The following DNAH5 variants were observed in gnomAD, a reference collection of about 807,000 sequenced individuals.
DNAH5 encodes dynein axonemal heavy chain 5.
A neutral mutation model predicts 518.2 loss-of-function variants in DNAH5; 372 were observed. The observed-to-expected ratio is 0.72, with a 90% CI of 0.66 to 0.78. The LOEUF is 0.78. Ranked by LOEUF, DNAH5 falls within the 30% of genes least tolerant of loss-of-function variation. The pLI is 0.00. For missense variants in DNAH5, 5,523 were observed against 5,687.0 expected (o/e 0.97, Z 0.93); for synonymous variants, 2,039 against 2,025.9 (o/e 1.01, Z -0.17).
At chr5:13,896,025 C>T (rs550734580) in intron 15 of DNAH5, among the ~76,000 whole-genome samples, 8 of 151,690 alleles carry the variant, frequency 5.3e-5, no homozygotes, top group East Asian at 2.0e-4. Flanking sequence ...AGGGAGACAA[C>T]AGTAGATCAT....
chr5:13,900,367 C>A lies in DNAH5; in HGVS notation c.2098G>T (p.Ala700Ser). Reference protein sequence around the residue: ...VGLEASLLVKAPGTGELFVNF... With the variant: ...VGLEASLLVKSPGTGELFVNF... ...ACAAACAATTCCCCTGTGCCTGGAG[C>A]CTTCACCAATAATGAAGCCTCAAGA... Residue 700 changes from alanine (A) to serine (S), a missense_variant, in exon 15 of 79, where the codon GCT becomes TCT. Physicochemically the swap from Ala to Ser is moderately conservative, Grantham distance 99. Transcript: ENST00000265104. The A allele has an allele frequency of 6.2e-7, 1 of 1,614,124 alleles. No individual in the cohort carries two copies. Among genetic ancestry groups the A allele is most frequent in the Non-Finnish European group, 8.5e-7 (1 of 1,180,002 alleles).
chr5:13,721,859 T>C (rs1745098505), intron 70 of DNAH5, among the ~76,000 whole-genome samples: 1 of 152,136 alleles, frequency 6.6e-6, no homozygotes, highest in African/African-American at 2.4e-5. Flanking sequence ...ATTACAACCA[T>C]AGAAAAAAAT....
chr5:13,992,695 G>A (rs1378623780), intron 1 of DNAH5, among the ~76,000 whole-genome samples: 1 of 152,158 alleles, frequency 6.6e-6, no homozygotes, highest in Non-Finnish European at 1.5e-5. Context: ...CGAGTGATCG[G>A]TATTCCACTC....
At chr5:13,700,159 C>T (rs1741900570) in intron 78 of DNAH5, among the ~76,000 whole-genome samples, 1 of 152,176 alleles carries the variant, frequency 6.6e-6, no homozygotes, top group South Asian at 2.1e-4. Flanking sequence ...TTCAAACCTC[C>T]AAGCTGGTAG....
chr5:13,856,031 A>G (rs889284375), intron 30 of DNAH5, among the ~76,000 whole-genome samples: 5 of 152,244 alleles, frequency 3.3e-5, no homozygotes, highest in Non-Finnish European at 7.3e-5. Flanking sequence ...CTAACTGCCC[A>G]CAGGAGAAAG....
Position 13,913,771 on chromosome 5 carries a change from C to T in DNAH5, c.1508G>A (p.Gly503Glu), listed in dbSNP as rs758569547. 6.2e-7 allele frequency: 1 copy of T among 1,613,432 alleles called. No individual in the cohort carries two copies. Among genetic ancestry groups the T allele is most frequent in the Non-Finnish European group, 8.5e-7 (1 of 1,179,476 alleles). ...YSVLQDSTIEGLEDMATKYQG... is the reference protein window; with the variant it reads ...YSVLQDSTIEELEDMATKYQG... ...GTATTTAGTGGCCATGTCTTCCAGC[C>T]CTTCAATTGTGGAATCTTGCAGGAC... is the stretch of plus-strand genomic sequence containing the variant. Residue 503 changes from glycine (G) to glutamate (E), a missense_variant, in exon 11 of 79, where the codon GGG (glycine) becomes GAG (glutamate). This residue lies in a region of DNAH5 where 5,121 missense variants were observed against 5,223.3 expected (regional missense o/e 0.98). Coordinates refer to ENST00000265104, the MANE Select transcript of DNAH5 (RefSeq NM_001369.3).
chr5:13,872,150 C>T (rs185003690), intron 22 of DNAH5, among the ~76,000 whole-genome samples: 1 of 152,152 alleles, frequency 6.6e-6, no homozygotes, highest in African/African-American at 2.4e-5. Context: ...CTCTTTCCCC[C>T]CTCCCCTCAG....
intron 55 of DNAH5, among the ~76,000 whole-genome samples, chr5:13,774,024 G>A (rs1010985577): frequency 6.6e-6 from 1 of 152,136 alleles, no homozygotes; most frequent in African/African-American, 2.4e-5. Context: ...TTCCCAGCAC[G>A]AAGGCCTGCT....
intron 41 of DNAH5, among the ~76,000 whole-genome samples, chr5:13,819,061 T>A (rs534408530): frequency 7.6e-4 from 116 of 152,366 alleles, no homozygotes; most frequent in African/African-American, 2.7e-3. Flanking sequence ...CCATACATAA[T>A]GTATCTATAT....
At chr5:13,920,097 C>CA (rs2151991859) in intron 6 of DNAH5, among the ~76,000 whole-genome samples, 1 of 152,340 alleles carries the variant, frequency 6.6e-6, no homozygotes, top group Admixed American at 6.5e-5. Context: ...TGTCCACCTT[C>CA]ATGCCTTCAT....
intron 50 of DNAH5, among the ~76,000 whole-genome samples, chr5:13,791,040 C>G (rs1041396845): frequency 6.6e-6 from 1 of 151,930 alleles, no homozygotes. Flanking sequence ...ACCTATGGAA[C>G]AAACCTTCAC....
In DNAH5 at chr5:13,892,816, G is replaced by T. The variant is rs115246425; in HGVS notation, c.2432-1695C>A. On this transcript the variant is annotated intron_variant, in intron 16 of 78. Transcript: ENST00000265104. ...GTTTCCTCTTGTTTTATTTCCTGGG[G>T]AGGCGTATTTTGGAAGAAATATTAA... is the stretch of plus-strand genomic sequence containing the variant. Among the ~76,000 whole-genome samples, 204 of 152,240 alleles carry T rather than the reference G, an allele frequency of 1.3e-3. 2 individuals carry two copies. The highest frequency in any genetic ancestry group is 4.7e-3 in the African/African-American group (195 of 41,540).
intron 1 of DNAH5, among the ~76,000 whole-genome samples, chr5:14,001,695 G>C (rs1283039620): frequency 6.7e-6 from 1 of 148,510 alleles, no homozygotes; most frequent in South Asian, 2.2e-4. Context: ...TTTTTTTAAG[G>C]ATACTTTATA....
chr5:13,996,357 A>G (rs1332639694), intron 1 of DNAH5, among the ~76,000 whole-genome samples: 2 of 152,154 alleles, frequency 1.3e-5, no homozygotes, highest in Non-Finnish European at 2.9e-5. Context: ...GAATACATTC[A>G]TTCCATCCCA....
chr5:13,893,817 C>T (rs4701589), intron 16 of DNAH5, among the ~76,000 whole-genome samples: 75,918 of 151,056 alleles, frequency 0.5, 19,203 homozygotes, highest in South Asian at 0.61. Flanking sequence ...GGGCAAGACT[C>T]ACTCTGGGCT....
Position 13,766,069 on chromosome 5 carries a change from A to C in DNAH5, c.10008T>G (p.Ala3336=). 6.2e-7 allele frequency: 1 copy of C among 1,614,204 alleles called. No homozygotes were observed. Among genetic ancestry groups the C allele is most frequent in the Non-Finnish European group, 8.5e-7 (1 of 1,180,018 alleles). ...AGCTTTTTTCCAGGTCAATTTTCACAGCACTGACTTTCCTTTGAAACAGCA... is the reference window on the plus strand; with the variant it reads ...AGCTTTTTTCCAGGTCAATTTTCACCGCACTGACTTTCCTTTGAAACAGCA... The part of the protein sequence containing the change: ...VLLLFQRKVS[A]VKIDLEKSCT... Residue 3336 remains alanine (A), a synonymous_variant, in exon 59 of 79, where the codon GCT becomes GCG. Coordinates refer to ENST00000265104, the MANE Select transcript of DNAH5 (RefSeq NM_001369.3).
rs995371609 is a variant in DNAH5, at chr5:13,829,428, T to A, written c.6444+82A>T. Reference sequence around the variant, plus strand: ...AAATCCTTTGTCAACAAGCCCAGTCTAGAATTTCTCAAAATGAGAACATTC... The same window carrying A: ...AAATCCTTTGTCAACAAGCCCAGTCAAGAATTTCTCAAAATGAGAACATTC... On this transcript the variant is annotated intron_variant, in intron 38 of 78. Coordinates refer to ENST00000265104, the MANE Select transcript of DNAH5 (RefSeq NM_001369.3). 4.2e-6 allele frequency: 6 copies of A among 1,444,714 alleles called. No individual in the cohort carries two copies. The African/African-American group carries it at 8.4e-5, about 20-fold the overall frequency. 89.5% of individuals were successfully genotyped at this position (1,444,714 alleles called of 1,614,324 possible).
At chr5:13,854,404 A>G (rs11952626) in intron 30 of DNAH5, among the ~76,000 whole-genome samples, 56,855 of 152,108 alleles carry the variant, frequency 0.37, 10,911 homozygotes, top group South Asian at 0.47. Flanking sequence ...AGAACCAGCC[A>G]CTGCAAAAAC....
intron 1 of DNAH5, among the ~76,000 whole-genome samples, chr5:13,988,849 C>T (rs1783264144): frequency 6.6e-6 from 1 of 151,768 alleles, no homozygotes; most frequent in Non-Finnish European, 1.5e-5. Flanking sequence ...GCCTCAGCCT[C>T]CCAAGTAGCT....
Sources: gnomAD v4.1 joint callset for allele counts (sites outside exome capture counted in the v4.1 genomes callset) on GRCh38, gnomAD v4.1.1 for gene constraint, gnomAD v4.1.1 regional missense constraint, MANE v1.5 for transcripts, NCBI Gene and HGNC (gene_info 2026-07-23, HGNC 2026-07-21) for gene names.